SMURF1: variants seen among roughly 807,000 people sequenced by gnomAD.
SMURF1 encodes the protein E3 ubiquitin-protein ligase SMURF1.
Under a neutral mutation model 98.0 loss-of-function variants are expected in SMURF1, and 44 were observed. The observed-to-expected ratio is 0.45, with a 90% CI of 0.35 to 0.58. SMURF1 has a LOEUF of 0.58. Among genes scored for constraint, SMURF1 ranks in the 20% least tolerant of loss-of-function variants. The pLI, the probability that SMURF1 is intolerant of heterozygous loss-of-function variation, is 0.00. For synonymous variants in SMURF1, 396 were observed against 374.9 expected (o/e 1.06, Z -0.65); for missense variants, 687 against 938.4 (o/e 0.73, Z 3.50).
Position 99,143,771 on chromosome 7 carries a change from G to C in SMURF1, c.10C>G (p.Pro4Ala). 6.4e-7 allele frequency: 1 copy of C among 1,561,200 alleles called. No homozygotes were observed. Among genetic ancestry groups the C allele is most frequent in the Non-Finnish European group, 8.6e-7 (1 of 1,156,512 alleles). The part of the protein sequence containing the change: MSN[P>A]GTRRNGSSIK... ...CTGGAGCCGTTCCTGCGTGTCCCGG[G>C]GTTCGACATCTCCCGCCAACGATCG... Residue 4 changes from proline to alanine, a missense_variant, in exon 1 of 18, where the codon CCC becomes GCC. Around this residue, in one of 2 missense-constraint regions of SMURF1, gnomAD observed 415 missense variants for 508.4 expected, o/e 0.82. Transcript: ENST00000361368.
intron 9 of SMURF1, chr7:99,048,556 T>G (rs972432531): frequency 3.9e-5 from 6 of 152,254 alleles, no homozygotes; most frequent in African/African-American, 1.4e-4. Flanking sequence ...ATGGAGATGA[T>G]GGGAAAAAAT....
At chr7:99,040,291 A>ACGCG in intron 13 of SMURF1, 87 bp downstream of exon 13, 2 of 1,255,004 alleles carry the variant, frequency 1.6e-6, no homozygotes, top group East Asian at 2.8e-5. Context: ...AAATACACAC[A>ACGCG]CACGCGCGCG....
chr7:99,053,630 A>C lies in SMURF1; in HGVS notation c.479+1160T>G, dbSNP rs577187811. The stretch of plus-strand genomic sequence containing the variant: ...GAAGACCCTGGGTTGTCTGTCCTAC[A>C]GAAGGCCCCATTCTGGATGTTTGTT... On this transcript the variant is annotated intron_variant, in intron 6 of 17. Transcript: ENST00000361368. Among the ~76,000 whole-genome samples the C allele has an allele frequency of 5.3e-5, 8 of 152,338 alleles. No homozygotes were observed. The South Asian group carries it at 8.3e-4, about 16-fold the overall frequency.
Position 99,061,836 on chromosome 7 carries a change from C to T in SMURF1, c.57G>A (p.Val19=). 6 of 1,600,522 alleles carry T rather than the reference C, an allele frequency of 3.7e-6. No homozygotes were observed. The highest frequency in any genetic ancestry group is 5.1e-6 in the Non-Finnish European group (6 of 1,174,142). The change falls in exon 2 of 18, where the codon GTG becomes GTA. Residue 19 remains valine, a splice_region_variant and synonymous_variant. Coordinates refer to ENST00000361368, the MANE Select transcript of SMURF1 (RefSeq NM_181349.3). ...NGSSIKIRLT[V]LCAKNLAKKD... Reference sequence around the variant, plus strand: ...TCTTTGCAAGGTTCTTGGCACATAACACTAAAAACAAAGAAAAATTACTCA... The same window carrying T: ...TCTTTGCAAGGTTCTTGGCACATAATACTAAAAACAAAGAAAAATTACTCA...
chr7:99,046,627 G>A (rs1005542576), intron 10 of SMURF1, among the ~76,000 whole-genome samples: 2 of 150,670 alleles, frequency 1.3e-5, no homozygotes, highest in Non-Finnish European at 2.9e-5. Flanking sequence ...AGCTACACGG[G>A]AGGCTGAGAC....
At chr7:99,132,015 G>A (rs1429142853) in intron 1 of SMURF1, among the ~76,000 whole-genome samples, 2 of 152,150 alleles carry the variant, frequency 1.3e-5, no homozygotes, top group African/African-American at 4.8e-5. Context: ...TGAGGGAGAG[G>A]CTAAGGAAAA....
chr7:99,116,322 T>C (rs1797451879), intron 1 of SMURF1, among the ~76,000 whole-genome samples: 1 of 152,118 alleles, frequency 6.6e-6, no homozygotes, highest in Non-Finnish European at 1.5e-5. Context: ...TAACATCATA[T>C]TTACTGGTGA....
chr7:99,118,539 C>G (rs1278499249), intron 1 of SMURF1, among the ~76,000 whole-genome samples: 1 of 152,170 alleles, frequency 6.6e-6, no homozygotes, highest in Non-Finnish European at 1.5e-5. Context: ...GAAACCAACA[C>G]AAAAGGCCAC....
chr7:99,038,376 A>G lies in SMURF1; in HGVS notation c.1688+12T>C, dbSNP rs2150503978. 6.2e-7 allele frequency: 1 copy of G among 1,613,500 alleles called. No individual in the cohort carries two copies. Among genetic ancestry groups the G allele is most frequent in the East Asian group, 2.2e-5 (1 of 44,882 alleles). On this transcript the variant is annotated intron_variant, in intron 14 of 17. Transcript: ENST00000361368. ...CCCCAGGCACCTGGCCGTCCCCGAC[A>G]GGTGGCATTACCGGACGTATTCTTT...
intron 1 of SMURF1, among the ~76,000 whole-genome samples, chr7:99,116,111 G>A (rs148909255): frequency 6.2e-4 from 95 of 152,266 alleles, no homozygotes; most frequent in African/African-American, 2.2e-3. Context: ...TTTATCCCAG[G>A]AATGCAAGGG....
chr7:99,061,776 GA>G (rs763145904), intron 2 of SMURF1, 22 bp downstream of exon 2: 9 of 1,576,044 alleles, frequency 5.7e-6, no homozygotes, highest in Middle Eastern at 1.8e-4. Flanking sequence ...TTATAAGAGG[GA>G]AAAAAATAAG....
chr7:99,109,592 T>G (rs1465469385), intron 1 of SMURF1, among the ~76,000 whole-genome samples: 1 of 152,220 alleles, frequency 6.6e-6, no homozygotes, highest in East Asian at 1.9e-4. Context: ...GAAGTGACAG[T>G]GTCTGCACTA....
At chr7:99,092,602 CAT>C (rs1429274456) in intron 1 of SMURF1, among the ~76,000 whole-genome samples, 1 of 152,174 alleles carries the variant, frequency 6.6e-6, no homozygotes, top group Non-Finnish European at 1.5e-5. Context: ...ATGTTTTTCA[CAT>C]GTCTGTGCTT....
At position 99,028,876 on chromosome 7, in the gene SMURF1, C is replaced by A. The variant is rs1794787670; in HGVS notation, c.*1708G>T. The A allele has an allele frequency of 6.6e-6, 1 of 152,238 alleles. No individual in the cohort carries two copies. Among genetic ancestry groups the A allele is most frequent in the African/African-American group, 2.4e-5 (1 of 41,448 alleles). 9.4% of individuals were successfully genotyped at this position (152,238 alleles called of 1,614,324 possible). On this transcript the variant is annotated 3_prime_UTR_variant, in exon 18 of 18. Transcript: ENST00000361368. ...AAGAGGAAGATGATGCAAGGAAAGG[C>A]TGGATACAGCCACTGGGGAACGGGC...
At chr7:99,055,994 G>A (rs761965901) in intron 5 of SMURF1, among the ~76,000 whole-genome samples, 8 of 152,176 alleles carry the variant, frequency 5.3e-5, no homozygotes, top group Non-Finnish European at 1.0e-4. Flanking sequence ...GACACAGAGA[G>A]TACTTTCAGT....
chr7:99,141,299 C>G (rs1235269332), intron 1 of SMURF1, among the ~76,000 whole-genome samples: 1 of 152,200 alleles, frequency 6.6e-6, no homozygotes, highest in Non-Finnish European at 1.5e-5. Context: ...ATACATACAC[C>G]AGACATAAAC....
chr7:99,042,281 AT>A (rs112221381), intron 11 of SMURF1, 49 bp from the exon 12 acceptor site: 100,941 of 960,094 alleles, frequency 0.11, no homozygotes, highest in South Asian at 0.15. Flanking sequence ...AAATTTCTAC[AT>A]TTTTTTTTTT....
At chr7:99,059,023 G>A (rs1213785714) in intron 3 of SMURF1, among the ~76,000 whole-genome samples, 1 of 152,192 alleles carries the variant, frequency 6.6e-6, no homozygotes, top group African/African-American at 2.4e-5. Flanking sequence ...GGAGGAGGTT[G>A]CGGTGAGCCA....
rs965922272 is a variant in SMURF1 at position 99,028,576 on chromosome 7, G to C, written c.*2008C>G. 6 of 152,194 alleles carry C rather than the reference G, an allele frequency of 3.9e-5. No individual in the cohort carries two copies. The highest frequency in any genetic ancestry group is 1.4e-4 in the African/African-American group (6 of 41,428). The allele number at this position is 152,194 out of a possible 1,614,324, so 9.4% of individuals were successfully genotyped here. A position where few individuals can be genotyped will look rare whatever the true frequency, so the allele number is the denominator to read the frequency against. On this transcript the variant is annotated 3_prime_UTR_variant, in exon 18 of 18. Transcript: ENST00000361368. ...GATGGCGGTGCAGCTGCTAAGGCTC[G>C]CCCCCGACTCCTCCCAACAGCAAAA...
Sources: gnomAD v4.1 joint callset for allele counts (sites outside exome capture counted in the v4.1 genomes callset) on GRCh38, gnomAD v4.1.1 for gene constraint, gnomAD v4.1.1 regional missense constraint, MANE v1.5 for transcripts, NCBI Gene and HGNC (gene_info 2026-07-23, HGNC 2026-07-21) for gene names.